Variants in PIR observed in about 807,000 individuals in gnomAD.
PIR encodes pirin.
A neutral mutation model predicts 24.2 loss-of-function variants in PIR; 22 were observed. The ratio of observed to expected loss-of-function variants is 0.91; its 90% CI spans 0.65 to 1.30. The LOEUF (loss-of-function observed/expected upper bound fraction) is 1.30. PIR is among the 50% of genes most tolerant of loss of function. PIR has a pLI of 0.00. For synonymous variants in PIR, 80 were observed against 79.6 expected, an observed-to-expected ratio of 1.00 and a Z score of -0.03; for missense variants, 220 against 220.3, an observed-to-expected ratio of 1.00 and a Z score of 0.01.
intron 5 of PIR, among the ~76,000 whole-genome samples, chrX:15,455,301 T>C (rs372055553): frequency 6.2e-5 from 7 of 112,747 alleles, no homozygotes; most frequent in African/African-American, 2.3e-4. Flanking sequence ...TAAATCCAAA[T>C]AATATAAAGT....
chrX:15,432,188 C>T (rs1425715411), intron 5 of PIR, among the ~76,000 whole-genome samples: 1 of 111,541 alleles, frequency 9.0e-6, no homozygotes, highest in Non-Finnish European at 1.9e-5. Flanking sequence ...ACCTATTTAA[C>T]TTTTCATTCA....
intron 6 of PIR, 68 bp downstream of exon 6, chrX:15,425,838 C>A: frequency 3.2e-6 from 2 of 624,275 alleles, no homozygotes; most frequent in Non-Finnish European, 2.6e-6. Context: ...GCAAAACAGC[C>A]TCTTGTTGGT....
intron 5 of PIR, among the ~76,000 whole-genome samples, chrX:15,445,861 G>A (rs1337283179): frequency 1.4e-5 from 1 of 72,403 alleles, no homozygotes; most frequent in Non-Finnish European, 2.3e-5. Flanking sequence ...ACGGAGTCTC[G>A]CTCTGTCGCC....
chrX:15,462,450 A>C (rs1487893241), intron 3 of PIR, among the ~76,000 whole-genome samples: 1 of 110,540 alleles, frequency 9.0e-6, no homozygotes, highest in Non-Finnish European at 1.9e-5. Context: ...AAATATTGTA[A>C]GATATAAAGA....
At chrX:15,453,991 C>A (rs1920996148) in intron 5 of PIR, among the ~76,000 whole-genome samples, 1 of 111,465 alleles carries the variant, frequency 9.0e-6, no homozygotes, top group Admixed American at 9.5e-5. Flanking sequence ...CAGAAGGGGG[C>A]TTCTTGCCCT....
chrX:15,449,418 T>C (rs925253948), intron 5 of PIR, among the ~76,000 whole-genome samples: 11 of 111,799 alleles, frequency 9.8e-5, no homozygotes, highest in African/African-American at 3.6e-4. Flanking sequence ...ATTAGGGTGA[T>C]TGTGAATTTC....
intron 6 of PIR, among the ~76,000 whole-genome samples, chrX:15,409,313 G>A (rs1924659963): frequency 9.3e-6 from 1 of 107,042 alleles, no homozygotes; most frequent in African/African-American, 3.5e-5. Flanking sequence ...TAGCCAGGAT[G>A]GTCTCGATCT....
intron 3 of PIR, among the ~76,000 whole-genome samples, chrX:15,470,910 GC>G (rs1267978728): frequency 9.3e-6 from 1 of 108,039 alleles, no homozygotes; most frequent in Non-Finnish European, 1.9e-5. Context: ...GCGCACCCCG[GC>G]CCCCCACCCC....
chrX:15,389,347 CT>C (rs930633554), intron 9 of PIR, among the ~76,000 whole-genome samples: 6 of 111,584 alleles, frequency 5.4e-5, no homozygotes, highest in Non-Finnish European at 1.1e-4. Context: ...AATGTTCCCC[CT>C]GAAGTAGTTA....
intron 9 of PIR, 112 bp from the exon 10 acceptor site, chrX:15,385,228 C>T: frequency 2.4e-6 from 1 of 409,113 alleles, no homozygotes; most frequent in Non-Finnish European, 4.2e-6. Flanking sequence ...CAAGCACATC[C>T]GAAGAGTAAA....
At chrX:15,432,782 G>C (rs768571236) in intron 5 of PIR, among the ~76,000 whole-genome samples, 1 of 112,222 alleles carries the variant, frequency 8.9e-6, no homozygotes, top group Admixed American at 9.4e-5. Context: ...TAAGAATAGA[G>C]GAGAGGAGAC....
At chrX:15,491,362 G>A in intron 1 of PIR, 53 bp from the exon 2 acceptor site, 1 of 498,624 alleles carries the variant, frequency 2.0e-6, no homozygotes, top group South Asian at 3.5e-5. Context: ...GAACATCCAA[G>A]GACTACAAAA....
chrX:15,430,657 A>G (rs1453575039), intron 5 of PIR, among the ~76,000 whole-genome samples: 2 of 111,646 alleles, frequency 1.8e-5, no homozygotes, highest in Admixed American at 9.5e-5. Flanking sequence ...CCTTCATCTT[A>G]TGTCCTTCAA....
chrX:15,488,276 C>A (rs1468363214), intron 2 of PIR, among the ~76,000 whole-genome samples: 1 of 54,671 alleles, frequency 1.8e-5, no homozygotes, highest in Non-Finnish European at 2.8e-5. Context: ...GAAACTCCGT[C>A]TCAAAAAAAA....
At chrX:15,490,780 G>A (rs1203044604) in intron 2 of PIR, among the ~76,000 whole-genome samples, 2 of 111,800 alleles carry the variant, frequency 1.8e-5, no homozygotes, top group Non-Finnish European at 1.9e-5. Context: ...CTGGGAATTT[G>A]GAATTGAGAA....
intron 9 of PIR, 52 bp downstream of exon 9, chrX:15,390,133 T>C: frequency 1.3e-6 from 1 of 756,302 alleles, no homozygotes; most frequent in Non-Finnish European, 2.0e-6. Context: ...TGTATACTGT[T>C]TTCAAAGAAA....
chrX:15,402,347 T>C, intron 7 of PIR, among the ~76,000 whole-genome samples: 1 of 112,201 alleles, frequency 8.9e-6, no homozygotes, highest in South Asian at 3.7e-4. Flanking sequence ...CCCAAATCTT[T>C]CACAAATTCA....
intron 1 of PIR, 142 bp downstream of exon 1, chrX:15,493,048 C>T (rs978012579): frequency 8.9e-6 from 1 of 112,638 alleles, no homozygotes; most frequent in African/African-American, 3.2e-5. Context: ...CTACCATTTT[C>T]ACCAAATTTC....
At chrX:15,418,827 T>C (rs1925014635) in intron 6 of PIR, among the ~76,000 whole-genome samples, 1 of 111,973 alleles carries the variant, frequency 8.9e-6, no homozygotes, top group Admixed American at 9.5e-5. Context: ...AGGGAGAGGA[T>C]GGTAGCAGTG....
Sources: gnomAD v4.1 joint callset for allele counts (sites outside exome capture counted in the v4.1 genomes callset) on GRCh38, gnomAD v4.1.1 for gene constraint, MANE v1.5 for transcripts, NCBI Gene and HGNC (gene_info 2026-07-23, HGNC 2026-07-21) for gene names.